Variants in RIT2 observed in about 807,000 individuals in gnomAD.
The protein encoded by RIT2 is Ras like without CAAX 2, also known as GTP-binding protein Rit2.
RIT2 carries 24 observed loss-of-function variants against 23.7 expected under a neutral mutation model. The ratio of observed to expected loss-of-function variants is 1.01; its 90% CI spans 0.73 to 1.43. The LOEUF (loss-of-function observed/expected upper bound fraction) is 1.43, where lower values mean the gene tolerates loss of function less well. Among genes scored for constraint, RIT2 ranks in the 40% most tolerant of loss-of-function variants. RIT2 has a pLI of 0.00. For synonymous variants in RIT2, 107 were observed against 91.1 expected (o/e 1.17, Z -0.99); for missense variants, 236 against 266.9 (o/e 0.88, Z 0.81).
At chr18:43,054,960 C>T (rs1415023411) in intron 1 of RIT2, among the ~76,000 whole-genome samples, 1 of 152,052 alleles carries the variant, frequency 6.6e-6, no homozygotes, top group Admixed American at 6.6e-5. Context: ...CTTGAGTTTT[C>T]AATTATAGCT....
chr18:43,018,146 A>C (rs1911515878), intron 2 of RIT2, among the ~76,000 whole-genome samples: 1 of 152,014 alleles, frequency 6.6e-6, no homozygotes. Flanking sequence ...TCACTGTCTT[A>C]TCCCTCTGAC....
At chr18:42,940,021 T>C (rs1909556952) in intron 3 of RIT2, among the ~76,000 whole-genome samples, 1 of 151,834 alleles carries the variant, frequency 6.6e-6, no homozygotes, top group South Asian at 2.1e-4. Context: ...ATTAACACTC[T>C]GAAAAGAAGC....
chr18:43,010,856 A>C (rs902862811), intron 2 of RIT2, among the ~76,000 whole-genome samples: 1 of 151,822 alleles, frequency 6.6e-6, no homozygotes, highest in Non-Finnish European at 1.5e-5. Flanking sequence ...TAATTTATTG[A>C]GAAACATGGG....
At position 43,109,411 on chromosome 18, in the gene RIT2, G is replaced by C. The variant is rs542229112; in HGVS notation, c.103+6006C>G. ...AAGATATTTTTTCAACTACCACTTAGAGACACTAAATTATCAAGATGCTGC... is the reference window on the plus strand; with the variant it reads ...AAGATATTTTTTCAACTACCACTTACAGACACTAAATTATCAAGATGCTGC... On this transcript the variant is annotated intron_variant, in intron 1 of 4. Transcript: ENST00000326695. Among the ~76,000 whole-genome samples the C allele has an allele frequency of 5.3e-5, 8 of 152,208 alleles. 1 individual carries two copies. The East Asian group carries it at 1.5e-3, about 29-fold the overall frequency.
chr18:42,955,240 G>A (rs1255608746), intron 3 of RIT2, among the ~76,000 whole-genome samples: 1 of 152,168 alleles, frequency 6.6e-6, no homozygotes, highest in African/African-American at 2.4e-5. Flanking sequence ...AAGAGTTACT[G>A]CTGTTGCAAA....
chr18:42,903,240 T>G (rs1263659831), intron 4 of RIT2, among the ~76,000 whole-genome samples: 1 of 152,032 alleles, frequency 6.6e-6, no homozygotes, highest in East Asian at 1.9e-4. Context: ...AAACTCTATG[T>G]AATACATTTA....
chr18:42,941,297 T>G (rs1473913833), intron 3 of RIT2, among the ~76,000 whole-genome samples: 1 of 152,132 alleles, frequency 6.6e-6, no homozygotes, highest in Non-Finnish European at 1.5e-5. Flanking sequence ...TGGTATGATT[T>G]GAGGAACACT....
At chr18:42,909,846 T>C (rs1391867767) in intron 4 of RIT2, among the ~76,000 whole-genome samples, 1 of 151,460 alleles carries the variant, frequency 6.6e-6, no homozygotes, top group Non-Finnish European at 1.5e-5. Flanking sequence ...ATAGAATGAG[T>C]AAAAATTGCT....
intron 1 of RIT2, among the ~76,000 whole-genome samples, chr18:43,098,874 AC>A (rs1913616169): frequency 6.6e-6 from 1 of 151,986 alleles, no homozygotes; most frequent in Non-Finnish European, 1.5e-5. Flanking sequence ...ACTTTTAAGC[AC>A]ATACTATACG....
intron 2 of RIT2, among the ~76,000 whole-genome samples, chr18:43,009,918 C>T (rs1267958853): frequency 1.3e-5 from 2 of 151,592 alleles, no homozygotes; most frequent in Non-Finnish European, 3.0e-5. Flanking sequence ...CAGTTTTATC[C>T]ACTCTGTCAT....
At chr18:42,853,132 C>T (rs1003463645) in intron 4 of RIT2, among the ~76,000 whole-genome samples, 1 of 152,180 alleles carries the variant, frequency 6.6e-6, no homozygotes, top group African/African-American at 2.4e-5. Flanking sequence ...CCATGCCTGG[C>T]CTCTTTTCAG....
intron 4 of RIT2, among the ~76,000 whole-genome samples, chr18:42,839,961 T>C (rs542067274): frequency 6.6e-6 from 1 of 152,276 alleles, no homozygotes. Context: ...ATCAAAATGG[T>C]TAGGTTTGGA....
chr18:43,041,138 G>A (rs1210874839), intron 1 of RIT2, among the ~76,000 whole-genome samples: 1 of 152,086 alleles, frequency 6.6e-6, no homozygotes, highest in Non-Finnish European at 1.5e-5. Flanking sequence ...TCTGGGAAAA[G>A]AAATAACAAT....
intron 4 of RIT2, among the ~76,000 whole-genome samples, chr18:42,920,455 C>A (rs1909026530): frequency 6.6e-6 from 1 of 152,066 alleles, no homozygotes; most frequent in South Asian, 2.1e-4. Context: ...TGTAACGTGC[C>A]CAGCACAGAG....
intron 2 of RIT2, among the ~76,000 whole-genome samples, chr18:43,006,405 C>T (rs1211126219): frequency 6.6e-6 from 1 of 151,586 alleles, no homozygotes; most frequent in African/African-American, 2.4e-5. Flanking sequence ...TCATACAGGA[C>T]AGTTCACCAA....
At chr18:42,799,085 G>A (rs572994171) in intron 4 of RIT2, among the ~76,000 whole-genome samples, 1 of 152,272 alleles carries the variant, frequency 6.6e-6, no homozygotes, top group South Asian at 2.1e-4. Context: ...GTTATCAGGA[G>A]GGAATTATTC....
At chr18:43,002,861 G>A (rs1224303908) in intron 2 of RIT2, among the ~76,000 whole-genome samples, 2 of 151,924 alleles carry the variant, frequency 1.3e-5, no homozygotes, top group Non-Finnish European at 2.9e-5. Flanking sequence ...TCAGCATAGA[G>A]AGATTATTCA....
At chr18:43,056,024 T>G (rs1197166224) in intron 1 of RIT2, among the ~76,000 whole-genome samples, 2 of 152,042 alleles carry the variant, frequency 1.3e-5, no homozygotes, top group Admixed American at 6.6e-5. Context: ...GCTTCCATAG[T>G]GTGTGTGGAT....
chr18:43,090,790 C>A (rs542766565), intron 1 of RIT2, among the ~76,000 whole-genome samples: 137 of 152,102 alleles, frequency 9.0e-4, no homozygotes, highest in African/African-American at 2.8e-3. Context: ...TCAAATACTG[C>A]ATGTTTTCGC....
Sources: gnomAD v4.1 joint callset for allele counts (sites outside exome capture counted in the v4.1 genomes callset) on GRCh38, gnomAD v4.1.1 for gene constraint, MANE v1.5 for transcripts, NCBI Gene and HGNC (gene_info 2026-07-23, HGNC 2026-07-21) for gene names.